Variants in MS4A7 observed in about 807,000 individuals in gnomAD.
MS4A7 encodes the protein membrane spanning 4-domains A7, also known as membrane-spanning 4-domains subfamily A member 7.
MS4A7 carries 21 observed loss-of-function variants against 23.5 expected under a neutral mutation model. That is an observed-to-expected ratio of 0.89 (90% CI 0.63 to 1.29). The LOEUF is 1.29. MS4A7 is among the 50% of genes most tolerant of loss of function. The probability of loss-of-function intolerance (pLI) is 0.00; values close to 1 mark genes in which losing one functional copy is unlikely to be tolerated. For synonymous variants in MS4A7, 111 were observed against 107.4 expected, an observed-to-expected ratio of 1.03 and a Z score of -0.21; for missense variants, 263 against 274.2, an observed-to-expected ratio of 0.96 and a Z score of 0.29.
intron 1 of MS4A7, among the ~76,000 whole-genome samples, chr11:60,381,937 A>G (rs1565165164): frequency 6.6e-6 from 1 of 152,284 alleles, no homozygotes; most frequent in East Asian, 1.9e-4. Context: ...TCTAGGTGTC[A>G]TTTCCAATTT....
chr11:60,393,264 A>G (rs1590799208), intron 6 of MS4A7, among the ~76,000 whole-genome samples: 1 of 152,316 alleles, frequency 6.6e-6, no homozygotes, highest in East Asian at 1.9e-4. Context: ...ACATAGCCCA[A>G]CCCCTCATGA....
chr11:60,384,238 C>A (rs370284581), intron 2 of MS4A7, among the ~76,000 whole-genome samples: 36 of 152,208 alleles, frequency 2.4e-4, no homozygotes, highest in African/African-American at 7.2e-4. Context: ...AGTGGGATTC[C>A]TTTTTTGCTC....
chr11:60,386,221 G>A (rs774743139), intron 3 of MS4A7, among the ~76,000 whole-genome samples: 8 of 152,142 alleles, frequency 5.3e-5, no homozygotes, highest in African/African-American at 9.7e-5. Flanking sequence ...AAGACTTCAC[G>A]TCTGAGCCTG....
intron 6 of MS4A7, among the ~76,000 whole-genome samples, chr11:60,393,483 TCC>T (rs1022659581): frequency 1.3e-5 from 2 of 152,188 alleles, no homozygotes; most frequent in Non-Finnish European, 2.9e-5. Context: ...CTTCCTTACA[TCC>T]CCTTAGCTCT....
chr11:60,393,792 A>T lies in MS4A7; in HGVS notation c.654A>T (p.Ser218=). Residue 218 remains serine, a synonymous_variant, in exon 7 of 7, where the codon TCA becomes TCT. Coordinates refer to ENST00000300184, the MANE Select transcript of MS4A7 (RefSeq NM_021201.5). The part of the protein sequence containing the change: ...KQLYSNNPGS[S]FSSTQSQDHI... ...ACCAATTATGTATTTTCTAGAGTTC[A>T]TTTTCCTCGACCCAGTCACAAGATC... 1.2e-6 allele frequency: 2 copies of T among 1,608,274 alleles called. No homozygotes were observed. The highest frequency in any genetic ancestry group is 1.7e-6 in the Non-Finnish European group (2 of 1,177,820).
In MS4A7 at chr11:60,385,072, G is replaced by T; in HGVS notation, c.148-16G>T. ...GTTTGAAGTGCAGTCTAGATTTCCT[G>T]TCTTCTCTCTTGTAGACTGTCCAGA... On this transcript the variant is annotated splice_polypyrimidine_tract_variant and intron_variant, in intron 2 of 6. Coordinates refer to ENST00000300184, the MANE Select transcript of MS4A7 (RefSeq NM_021201.5). 1 of 1,611,964 alleles carries T rather than the reference G, an allele frequency of 6.2e-7. No homozygotes were observed. Among genetic ancestry groups the T allele is most frequent in the Non-Finnish European group, 8.5e-7 (1 of 1,178,304 alleles).
chr11:60,393,707 G>A (rs2085578780), intron 6 of MS4A7, 80 bp from the exon 7 acceptor site: 2 of 1,080,888 alleles, frequency 1.9e-6, no homozygotes, highest in Non-Finnish European at 2.7e-6. Flanking sequence ...CACAAAACTT[G>A]GGGAAAAGGT....
rs1436524975 is a variant in MS4A7 at position 60,395,483 on chromosome 11, A to G, written c.*1622A>G. The G allele has an allele frequency of 1.3e-5, 2 of 152,200 alleles. No individual in the cohort carries two copies. Among genetic ancestry groups the G allele is most frequent in the Non-Finnish European group, 2.9e-5 (2 of 68,038 alleles). The allele number at this position is 152,200 out of a possible 1,614,324, so 9.4% of individuals were successfully genotyped here. ...ATGTGTATACATTGGTTTTAGTTTTATGAAACAATTTACCTTCATGATCTC... is the reference window on the plus strand; with the variant it reads ...ATGTGTATACATTGGTTTTAGTTTTGTGAAACAATTTACCTTCATGATCTC... On this transcript the variant is annotated 3_prime_UTR_variant, in exon 7 of 7. Transcript: ENST00000300184.
intron 3 of MS4A7, 68 bp downstream of exon 3, chr11:60,385,290 G>GC: frequency 6.3e-7 from 1 of 1,584,986 alleles, no homozygotes; most frequent in Non-Finnish European, 8.6e-7. Context: ...TAGTCGTGGA[G>GC]TGACTCAGAC....
At chr11:60,382,415 C>A (rs577740175) in intron 1 of MS4A7, among the ~76,000 whole-genome samples, 5 of 152,258 alleles carry the variant, frequency 3.3e-5, no homozygotes, top group African/African-American at 1.2e-4. Context: ...CTATTTCATT[C>A]AATAAAAGTC....
chr11:60,378,781 C>T (rs974028967), intron 1 of MS4A7, 117 bp downstream of exon 1: 2 of 152,244 alleles, frequency 1.3e-5, no homozygotes, highest in South Asian at 2.1e-4. Flanking sequence ...TGAGTTGGAG[C>T]GTCAGCTCAG....
At chr11:60,390,710 C>A (rs968764995) in intron 5 of MS4A7, among the ~76,000 whole-genome samples, 1 of 152,046 alleles carries the variant, frequency 6.6e-6, no homozygotes, top group Non-Finnish European at 1.5e-5. Context: ...TTCATTACCC[C>A]AAACTGCTTC....
At chr11:60,392,645 G>T in intron 5 of MS4A7, 40 bp from the exon 6 acceptor site, 1 of 1,528,798 alleles carries the variant, frequency 6.5e-7, no homozygotes, top group Non-Finnish European at 9.1e-7. Context: ...ACAAGGGCTA[G>T]CTTGTCTTGG....
chr11:60,388,483 G>T (rs1590795352), intron 4 of MS4A7, among the ~76,000 whole-genome samples: 1 of 152,144 alleles, frequency 6.6e-6, no homozygotes, highest in Admixed American at 6.5e-5. Flanking sequence ...ATAATCCTGG[G>T]TTCTAGACTG....
Position 60,394,802 on chromosome 11 carries a change from CAAAATAAATAAA to C in MS4A7, c.*956_*967del, listed in dbSNP as rs1322199917. On this transcript the variant is annotated 3_prime_UTR_variant, in exon 7 of 7. Coordinates refer to ENST00000300184, the MANE Select transcript of MS4A7 (RefSeq NM_021201.5). The stretch of plus-strand genomic sequence containing the variant: ...GGCCTACAAGAACAAAACTCCATCT[CAAAATAAATAAA>C]AAAATAAATAAAAATAAAAATAGAC... The C allele has an allele frequency of 3.2e-6, 1 of 317,136 alleles. No individual in the cohort carries two copies. Among genetic ancestry groups the C allele is most frequent in the South Asian group, 1.3e-4 (1 of 7,530 alleles). 19.6% of individuals were successfully genotyped at this position (317,136 alleles called of 1,614,324 possible).
intron 3 of MS4A7, 179 bp from the exon 4 acceptor site, chr11:60,386,538 G>A (rs1461540388): frequency 3.1e-5 from 16 of 520,636 alleles, no homozygotes; most frequent in Non-Finnish European, 4.1e-5. Context: ...AGTCAATATA[G>A]ACATTCTTAT....
In MS4A7 at chr11:60,394,376, C is replaced by A. The variant is rs1447407941; in HGVS notation, c.*515C>A. The A allele has an allele frequency of 6.5e-6, 1 of 152,672 alleles. No homozygotes were observed. The highest frequency in any genetic ancestry group is 2.4e-5 in the African/African-American group (1 of 41,452). The allele number at this position is 152,672 out of a possible 1,614,324, so 9.5% of individuals were successfully genotyped here. A position where few individuals can be genotyped will look rare whatever the true frequency, so the allele number is the denominator to read the frequency against. ...ATTAGGTGGAAGACAGCAAAGAGAT[C>A]TTCTCAAGTGCTTAGGATTACCTCT... On this transcript the variant is annotated 3_prime_UTR_variant, in exon 7 of 7. Coordinates refer to ENST00000300184, the MANE Select transcript of MS4A7 (RefSeq NM_021201.5).
At chr11:60,387,527 T>C (rs7935082) in intron 4 of MS4A7, among the ~76,000 whole-genome samples, 94,334 of 151,942 alleles carry the variant, frequency 0.62, 29,478 homozygotes, top group Middle Eastern at 0.77. Context: ...ATCCAAAGAC[T>C]CATGCTTGAT....
In MS4A7 at chr11:60,383,128, G is replaced by A. The variant is rs2085447602; in HGVS notation, c.-13-1G>A. On this transcript the variant is annotated splice_acceptor_variant, in intron 1 of 6. Transcript: ENST00000300184. LOFTEE classifies it low-confidence loss of function (5UTR_SPLICE). ...TAACTGAGTTTTGATGCCTCTTCCA[G>A]CATCATCAGCATCATGCTATTACAA... 1.2e-6 allele frequency: 2 copies of A among 1,611,016 alleles called. No homozygotes were observed. The highest frequency in any genetic ancestry group is 2.2e-5 in the East Asian group (1 of 44,760).
Sources: allele counts gnomAD v4.1 joint callset (sites outside exome capture counted in the v4.1 genomes callset), GRCh38; gene constraint gnomAD v4.1.1; transcripts MANE v1.5; gene names NCBI Gene and HGNC (gene_info 2026-07-23, HGNC 2026-07-21).